GRID2: variants seen among roughly 807,000 people sequenced by gnomAD.
GRID2 encodes the protein glutamate receptor ionotropic, delta-2.
A neutral mutation model predicts 114.8 loss-of-function variants in GRID2; 33 were observed. The ratio of observed to expected loss-of-function variants is 0.29; its 90% CI spans 0.22 to 0.38. GRID2 has a LOEUF of 0.38. Among genes scored for constraint, GRID2 ranks in the 10% least tolerant of loss-of-function variants. The pLI, the probability that GRID2 is intolerant of heterozygous loss-of-function variation, is 1.00. For missense variants in GRID2, 1,184 were observed against 1,257.7 expected (o/e 0.94, Z 0.89); for synonymous variants, 505 against 449.9 (o/e 1.12, Z -1.55).
intron 14 of GRID2, among the ~76,000 whole-genome samples, chr4:93,738,182 G>A (rs1216278164): frequency 1.3e-5 from 2 of 152,108 alleles, no homozygotes; most frequent in African/African-American, 4.8e-5. Context: ...GCAAACCCAA[G>A]CCTTTAGGTT....
intron 8 of GRID2, among the ~76,000 whole-genome samples, chr4:93,247,916 C>T (rs1748387072): frequency 6.6e-6 from 1 of 151,870 alleles, no homozygotes; most frequent in African/African-American, 2.4e-5. Flanking sequence ...ATAAAGAGAC[C>T]GAGATAGTCT....
chr4:93,452,457 A>G (rs1331443520), intron 10 of GRID2, among the ~76,000 whole-genome samples: 3 of 152,138 alleles, frequency 2.0e-5, no homozygotes, highest in Non-Finnish European at 2.9e-5. Flanking sequence ...CTTTGATTTC[A>G]TTTTAACAAG....
At chr4:93,571,954 A>C (rs990119040) in intron 13 of GRID2, among the ~76,000 whole-genome samples, 1 of 152,162 alleles carries the variant, frequency 6.6e-6, no homozygotes, top group Admixed American at 6.6e-5. Context: ...GCTTAATCGC[A>C]GAAAAGGTTT....
At chr4:93,626,013 T>C (rs1391797283) in intron 13 of GRID2, among the ~76,000 whole-genome samples, 1 of 152,210 alleles carries the variant, frequency 6.6e-6, no homozygotes, top group African/African-American at 2.4e-5. Flanking sequence ...TAGACATGAT[T>C]TAAGTATACT....
At position 92,690,105 on chromosome 4, in the gene GRID2, C is replaced by A. The variant is rs543095301; in HGVS notation, c.244+99819C>A. 3.9e-5 allele frequency among the ~76,000 whole-genome samples: 6 copies of A among 152,088 alleles called. No homozygotes were observed. The South Asian group carries it at 1.0e-3, about 26-fold the overall frequency. On this transcript the variant is annotated intron_variant, in intron 2 of 15. Coordinates refer to ENST00000282020, the MANE Select transcript of GRID2 (RefSeq NM_001510.4). The stretch of plus-strand genomic sequence containing the variant: ...GCTTTTCCTTTGCATTCACAGCATG[C>A]TTAATGGGCACCTGAGGCCTAGTTT...
At chr4:92,852,453 G>A (rs1406563122) in intron 2 of GRID2, among the ~76,000 whole-genome samples, 4 of 151,832 alleles carry the variant, frequency 2.6e-5, no homozygotes, top group East Asian at 3.9e-4. Flanking sequence ...ACAACTCCAC[G>A]CTGAAGGGAA....
In GRID2 at chr4:92,572,920, T is replaced by C. The variant is rs566266783; in HGVS notation, c.89-17211T>C. On this transcript the variant is annotated intron_variant, in intron 1 of 15. Coordinates refer to ENST00000282020, the MANE Select transcript of GRID2 (RefSeq NM_001510.4). ...TGGTACTGGCTTTTCTTTGTACCTC[T>C]GGTAGAATTCACCCATGAATCTATC... Among the ~76,000 whole-genome samples the C allele has an allele frequency of 2.6e-5, 4 of 152,244 alleles. No homozygotes were observed. The East Asian group carries it at 5.8e-4, about 22-fold the overall frequency.
intron 1 of GRID2, among the ~76,000 whole-genome samples, chr4:92,381,122 T>C (rs1446905803): frequency 6.6e-6 from 1 of 152,070 alleles, no homozygotes; most frequent in African/African-American, 2.4e-5. Context: ...TTTATATGTG[T>C]AATGTACTTT....
intron 13 of GRID2, among the ~76,000 whole-genome samples, chr4:93,620,059 T>C (rs1254817577): frequency 6.6e-6 from 1 of 152,202 alleles, no homozygotes; most frequent in Non-Finnish European, 1.5e-5. Context: ...TTAGAGCAAG[T>C]TACAATTACC....
chr4:92,924,604 C>G (rs993009639), intron 2 of GRID2, among the ~76,000 whole-genome samples: 2 of 152,022 alleles, frequency 1.3e-5, no homozygotes, highest in Non-Finnish European at 2.9e-5. Context: ...GTAGATAGAT[C>G]GGTCCATGCC....
intron 12 of GRID2, among the ~76,000 whole-genome samples, chr4:93,498,807 A>G (rs1580254368): frequency 6.6e-6 from 1 of 151,992 alleles, no homozygotes; most frequent in East Asian, 1.9e-4. Flanking sequence ...AATTTACAAT[A>G]CTATGTCAAA....
At chr4:93,218,526 G>A (rs1744499225) in intron 6 of GRID2, among the ~76,000 whole-genome samples, 1 of 151,948 alleles carries the variant, frequency 6.6e-6, no homozygotes, top group Admixed American at 6.6e-5. Flanking sequence ...AAATAGATAT[G>A]TCCCTTCAAG....
intron 1 of GRID2, among the ~76,000 whole-genome samples, chr4:92,450,877 G>T (rs1720887925): frequency 6.9e-6 from 1 of 143,978 alleles, no homozygotes; most frequent in African/African-American, 2.5e-5. Context: ...TTTTAAATAA[G>T]TTTAAATAAA....
chr4:93,391,728 A>ATG (rs1764871582), intron 8 of GRID2, among the ~76,000 whole-genome samples: 1 of 152,178 alleles, frequency 6.6e-6, no homozygotes, highest in South Asian at 2.1e-4. Context: ...CCCATGGCAA[A>ATG]TAAGAAGTGG....
chr4:93,175,741 T>A (rs1004596828), intron 4 of GRID2, among the ~76,000 whole-genome samples: 15 of 152,236 alleles, frequency 9.9e-5, no homozygotes, highest in African/African-American at 3.4e-4. Flanking sequence ...AAATCTTTTT[T>A]AATTGGTTCT....
At chr4:93,778,221 ATAGT>A (rs1015479531), downstream of GRID2, among the ~76,000 whole-genome samples, 3 of 152,206 alleles carry the variant, frequency 2.0e-5, no homozygotes, top group Admixed American at 6.5e-5. Context: ...AAAGTATCTG[ATAGT>A]TAATATTTAA....
intron 2 of GRID2, among the ~76,000 whole-genome samples, chr4:92,989,941 A>G (rs1328241197): frequency 3.3e-5 from 5 of 152,218 alleles, no homozygotes; most frequent in East Asian, 3.9e-4. Context: ...TTTATTAAGA[A>G]CTAGGCATCA....
intron 4 of GRID2, among the ~76,000 whole-genome samples, chr4:93,134,337 G>A (rs191176393): frequency 7.9e-5 from 12 of 152,240 alleles, no homozygotes; most frequent in Admixed American, 7.8e-4. Context: ...GAAGAAATTT[G>A]TACCATGGCT....
intron 1 of GRID2, among the ~76,000 whole-genome samples, chr4:92,441,041 G>A (rs1205919349): frequency 6.6e-6 from 1 of 151,936 alleles, no homozygotes; most frequent in Non-Finnish European, 1.5e-5. Context: ...TAAAGCAGCG[G>A]CAGCCGCTGC....
Sources: allele counts gnomAD v4.1 joint callset (sites outside exome capture counted in the v4.1 genomes callset), GRCh38; gene constraint gnomAD v4.1.1; transcripts MANE v1.5; gene names NCBI Gene and HGNC (gene_info 2026-07-23, HGNC 2026-07-21).